The following TSHZ3 variants were observed in gnomAD, a reference collection of about 807,000 sequenced individuals.
The protein encoded by TSHZ3 is teashirt zinc finger homeobox 3.
In TSHZ3, 10 loss-of-function variants were observed where a neutral mutation model predicts 64.5. The ratio of observed to expected loss-of-function variants is 0.16; its 90% CI spans 0.10 to 0.26. The LOEUF (loss-of-function observed/expected upper bound fraction) is 0.26. Among genes scored for constraint, TSHZ3 ranks in the 10% least tolerant of loss-of-function variants. TSHZ3 has a pLI of 1.00. For missense variants in TSHZ3, 1,242 were observed against 1,421.7 expected, an observed-to-expected ratio of 0.87 and a Z score of 2.03; for synonymous variants, 608 against 593.1, an observed-to-expected ratio of 1.03 and a Z score of -0.36.
chr19:31,164,598 C>T (rs1389234416), intron 5 of TSHZ3, among the ~76,000 whole-genome samples: 1 of 152,104 alleles, frequency 6.6e-6, no homozygotes, highest in Non-Finnish European at 1.5e-5. Context: ...TGAGCTTCTC[C>T]ATCCTCCTGT....
At chr19:31,176,855 A>T (rs1974615723) in intron 5 of TSHZ3, among the ~76,000 whole-genome samples, 1 of 152,124 alleles carries the variant, frequency 6.6e-6, no homozygotes, top group South Asian at 2.1e-4. Flanking sequence ...CACCACACAA[A>T]CTGGCAAAAT....
intron 4 of TSHZ3, among the ~76,000 whole-genome samples, chr19:31,211,183 C>T (rs1975255529): frequency 6.6e-6 from 1 of 152,148 alleles, no homozygotes; most frequent in African/African-American, 2.4e-5. Context: ...CAGAGAGACT[C>T]AGTGGGATCT....
intron 1 of TSHZ3, among the ~76,000 whole-genome samples, chr19:31,345,893 T>C (rs534944885): frequency 4.6e-5 from 7 of 152,270 alleles, no homozygotes; most frequent in African/African-American, 1.7e-4. Context: ...TGAAGGACAC[T>C]GTCCTTCCCT....
chr19:31,220,775 T>C (rs1358013665), intron 4 of TSHZ3, among the ~76,000 whole-genome samples: 1 of 152,050 alleles, frequency 6.6e-6, no homozygotes, highest in African/African-American at 2.4e-5. Flanking sequence ...TGACCACACC[T>C]CACTGCAAAG....
chr19:31,180,053 GC>G (rs1384962609), intron 5 of TSHZ3, among the ~76,000 whole-genome samples: 1 of 152,080 alleles, frequency 6.6e-6, no homozygotes, highest in Non-Finnish European at 1.5e-5. Context: ...AATTGGTAAA[GC>G]CCCTGGTCCT....
At chr19:31,151,118 C>A (rs1209274207) in exon 7 of TSHZ3, among the ~76,000 whole-genome samples, 1 of 152,042 alleles carries the variant, frequency 6.6e-6, no homozygotes, top group African/African-American at 2.4e-5. Context: ...CAGTAATAAC[C>A]ACAGGGAAGT....
At chr19:31,190,977 T>A (rs898988757) in intron 5 of TSHZ3, among the ~76,000 whole-genome samples, 1 of 152,144 alleles carries the variant, frequency 6.6e-6, no homozygotes, top group Non-Finnish European at 1.5e-5. Context: ...CCAGTAAATT[T>A]GAAGATAGAT....
intron 5 of TSHZ3, among the ~76,000 whole-genome samples, chr19:31,175,346 A>G (rs991105802): frequency 8.5e-5 from 13 of 152,252 alleles, no homozygotes; most frequent in Non-Finnish European, 8.8e-5. Context: ...TGTTATGTGC[A>G]TAAATCTTGC....
chr19:31,291,590 C>G (rs1428246772), intron 1 of TSHZ3, among the ~76,000 whole-genome samples: 2 of 152,208 alleles, frequency 1.3e-5, no homozygotes, highest in Non-Finnish European at 2.9e-5. Context: ...ATAAATGTAT[C>G]AAGGAGGCAT....
intron 1 of TSHZ3, among the ~76,000 whole-genome samples, chr19:31,345,687 G>GTT (rs766813001): frequency 6.8e-5 from 9 of 131,556 alleles, no homozygotes; most frequent in South Asian, 2.5e-4. Context: ...TTTTTTGTTT[G>GTT]GTTTTTTTTT....
intron 1 of TSHZ3, among the ~76,000 whole-genome samples, chr19:31,344,783 A>T (rs1367348053): frequency 6.6e-6 from 1 of 152,204 alleles, no homozygotes; most frequent in East Asian, 1.9e-4. Flanking sequence ...CCTGGGTTTC[A>T]CGGTATTTCC....
intron 5 of TSHZ3, among the ~76,000 whole-genome samples, chr19:31,198,311 G>A (rs1016505458): frequency 5.9e-5 from 9 of 151,990 alleles, no homozygotes; most frequent in African/African-American, 9.7e-5. Flanking sequence ...GAATATTCAC[G>A]AAAACTGACA....
chr19:31,212,567 T>C (rs572990743), intron 4 of TSHZ3, among the ~76,000 whole-genome samples: 16 of 152,286 alleles, frequency 1.1e-4, no homozygotes, highest in Admixed American at 7.8e-4. Flanking sequence ...CCTGTTAAAA[T>C]AGACAAAATC....
chr19:31,313,115 T>C (rs553308284), intron 1 of TSHZ3, among the ~76,000 whole-genome samples: 2 of 152,166 alleles, frequency 1.3e-5, no homozygotes, highest in South Asian at 4.2e-4. Context: ...CAAACCTGCT[T>C]GGGGGCAAGG....
intron 4 of TSHZ3, among the ~76,000 whole-genome samples, chr19:31,223,749 G>C (rs57013184): frequency 0.015 from 2,240 of 152,256 alleles, 29 homozygotes; most frequent in Admixed American, 0.021. Flanking sequence ...TATGGAAAGT[G>C]GGGGGAATGC....
At chr19:31,257,017 A>T (rs1302426048) in intron 1 of TSHZ3, among the ~76,000 whole-genome samples, 1 of 152,110 alleles carries the variant, frequency 6.6e-6, no homozygotes, top group Non-Finnish European at 1.5e-5. Flanking sequence ...CAGCAGTCCT[A>T]TTGGTCAGTC....
intron 1 of TSHZ3, among the ~76,000 whole-genome samples, chr19:31,331,608 ATG>A (rs1184601093): frequency 6.6e-6 from 1 of 152,164 alleles, no homozygotes; most frequent in Non-Finnish European, 1.5e-5. Flanking sequence ...TGGAAATGCC[ATG>A]GACGCACAGA....
chr19:31,282,124 A>G (rs2145118914), intron 1 of TSHZ3, among the ~76,000 whole-genome samples: 1 of 152,304 alleles, frequency 6.6e-6, no homozygotes, highest in Admixed American at 6.5e-5. Flanking sequence ...GCAGAAGTGC[A>G]CCGGGTGCAT....
chr19:31,208,051 T>C (rs1481562556), intron 4 of TSHZ3, among the ~76,000 whole-genome samples: 1 of 152,190 alleles, frequency 6.6e-6, no homozygotes. Context: ...GCAACACCCT[T>C]AGCACCAAGC....
Sources: gnomAD v4.1 joint callset for allele counts (sites outside exome capture counted in the v4.1 genomes callset) on GRCh38, gnomAD v4.1.1 for gene constraint, MANE v1.5 for transcripts, NCBI Gene and HGNC (gene_info 2026-07-23, HGNC 2026-07-21) for gene names.